The following WHRN variants were observed in gnomAD, a reference collection of about 807,000 sequenced individuals.
WHRN encodes the protein CASK-interacting protein CIP98.
In WHRN, 41 loss-of-function variants were observed where a neutral mutation model predicts 68.3. The observed-to-expected ratio is 0.60, with a 90% CI of 0.47 to 0.78. WHRN has a LOEUF of 0.78. WHRN is among the 30% of genes least tolerant of loss of function. The pLI is 0.00. For missense variants in WHRN, 1,243 were observed against 1,244.7 expected, an observed-to-expected ratio of 1.00 and a Z score of 0.02; for synonymous variants, 560 against 561.3, an observed-to-expected ratio of 1.00 and a Z score of 0.03.
chr9:114,407,267 G>T (rs1835104903), intron 8 of WHRN, among the ~76,000 whole-genome samples: 1 of 152,208 alleles, frequency 6.6e-6, no homozygotes, highest in Non-Finnish European at 1.5e-5. Context: ...GAGTACTAGA[G>T]GCAAGAGGTA....
At chr9:114,419,199 G>C (rs1241631765) in intron 7 of WHRN, among the ~76,000 whole-genome samples, 1 of 152,094 alleles carries the variant, frequency 6.6e-6, no homozygotes, top group Non-Finnish European at 1.5e-5. Context: ...TGCAACCTTG[G>C]GCAAGTTGCT....
chr9:114,487,792 C>T (rs968406411), intron 1 of WHRN, among the ~76,000 whole-genome samples: 1 of 152,212 alleles, frequency 6.6e-6, no homozygotes, highest in Non-Finnish European at 1.5e-5. Flanking sequence ...ACTATGCCAT[C>T]TGGGCCTACA....
At chr9:114,474,771 C>T (rs1478410511) in intron 2 of WHRN, among the ~76,000 whole-genome samples, 1 of 152,164 alleles carries the variant, frequency 6.6e-6, no homozygotes, top group Non-Finnish European at 1.5e-5. Context: ...GTGCCACAAA[C>T]TTGCCTCCTC....
chr9:114,434,913 T>C (rs1837719455), intron 3 of WHRN, among the ~76,000 whole-genome samples: 1 of 152,192 alleles, frequency 6.6e-6, no homozygotes, highest in Non-Finnish European at 1.5e-5. Context: ...TACTGCTTTT[T>C]TTCCGATCCA....
chr9:114,498,631 G>A (rs945522357), intron 1 of WHRN, among the ~76,000 whole-genome samples: 1 of 152,144 alleles, frequency 6.6e-6, no homozygotes, highest in Non-Finnish European at 1.5e-5. Context: ...TTAGTAAGGT[G>A]AAGTCTCTGG....
At chr9:114,407,039 C>T in intron 8 of WHRN, 147 bp from the exon 9 acceptor site, 1 of 951,918 alleles carries the variant, frequency 1.1e-6, no homozygotes, top group Non-Finnish European at 1.6e-6. Flanking sequence ...AATAATGCAA[C>T]ACCTGAGTGG....
chr9:114,488,609 G>C (rs536641020), intron 1 of WHRN, among the ~76,000 whole-genome samples: 1 of 152,144 alleles, frequency 6.6e-6, no homozygotes, highest in African/African-American at 2.4e-5. Context: ...AAGTCCCTTA[G>C]GGTCTTGAAC....
At chr9:114,406,913 C>T (rs568341303) in intron 8 of WHRN, 21 bp from the exon 9 acceptor site, 28 of 1,556,986 alleles carry the variant, frequency 1.8e-5, no homozygotes, top group African/African-American at 9.5e-5. Context: ...ACCCAACAGG[C>T]GGAGAAGGAG....
intron 3 of WHRN, among the ~76,000 whole-genome samples, chr9:114,426,737 C>T (rs138326107): frequency 1.3e-3 from 197 of 152,224 alleles, no homozygotes; most frequent in African/African-American, 4.4e-3. Context: ...CCAAGGTGGG[C>T]GTGAAGCTGG....
chr9:114,421,868 C>T (rs981871456), intron 7 of WHRN, among the ~76,000 whole-genome samples: 3 of 152,080 alleles, frequency 2.0e-5, no homozygotes, highest in East Asian at 1.9e-4. Context: ...GAATGCAGGG[C>T]GACTTGTGGG....
chr9:114,423,324 C>T lies in WHRN; in HGVS notation c.1616G>A (p.Ser539Asn). The T allele has an allele frequency of 6.2e-7, 1 of 1,613,966 alleles. No homozygotes were observed. The highest frequency in any genetic ancestry group is 8.5e-7 in the Non-Finnish European group (1 of 1,179,920). ...TGSHGTSTTV[S>N]SARNTLDLEE... Reference sequence around the variant, plus strand: ...GCAGAAGAAGCTCACCCTGGCCGAGCTGACGGTGGTGGAGGTGCCGTGGCT... The same window carrying T: ...GCAGAAGAAGCTCACCCTGGCCGAGTTGACGGTGGTGGAGGTGCCGTGGCT... The change falls in exon 7 of 12, where the codon AGC becomes AAC. Residue 539 changes from serine to asparagine, a missense_variant. Ser to Asn is a conservative substitution (Grantham distance 46). Coordinates refer to ENST00000362057, the MANE Select transcript of WHRN (RefSeq NM_015404.4).
At chr9:114,421,397 G>T (rs1218333093) in intron 7 of WHRN, among the ~76,000 whole-genome samples, 1 of 152,204 alleles carries the variant, frequency 6.6e-6, no homozygotes, top group Middle Eastern at 3.2e-3. Flanking sequence ...TGGCACTCCA[G>T]CCTGATTTGC....
At chr9:114,426,113 G>A (rs1836828219) in intron 4 of WHRN, 98 bp downstream of exon 4, 1 of 1,527,972 alleles carries the variant, frequency 6.5e-7, no homozygotes, top group African/African-American at 1.4e-5. Flanking sequence ...TGCAGGCTGA[G>A]AGGAGAGCCA....
At chr9:114,449,125 A>C (rs1417207879) in intron 3 of WHRN, among the ~76,000 whole-genome samples, 1 of 152,196 alleles carries the variant, frequency 6.6e-6, no homozygotes, top group African/African-American at 2.4e-5. Context: ...TTCCCTTATG[A>C]AAGAGGGGAC....
At chr9:114,421,657 A>G (rs1836297585) in intron 7 of WHRN, among the ~76,000 whole-genome samples, 1 of 152,234 alleles carries the variant, frequency 6.6e-6, no homozygotes, top group South Asian at 2.1e-4. Flanking sequence ...TATCAAGGCC[A>G]ATCTCAGTGG....
At chr9:114,461,678 A>C (rs1840259220) in intron 3 of WHRN, among the ~76,000 whole-genome samples, 1 of 151,900 alleles carries the variant, frequency 6.6e-6, no homozygotes, top group African/African-American at 2.4e-5. Context: ...TGGAATTCTC[A>C]CTTCCTCTTT....
At chr9:114,415,122 C>T (rs1835719357) in intron 7 of WHRN, among the ~76,000 whole-genome samples, 1 of 152,090 alleles carries the variant, frequency 6.6e-6, no homozygotes, top group Admixed American at 6.5e-5. Flanking sequence ...CATAGTGAGA[C>T]CCCCATCACT....
chr9:114,466,125 A>T, intron 3 of WHRN, 142 bp downstream of exon 3: 2 of 1,301,878 alleles, frequency 1.5e-6, no homozygotes, highest in Non-Finnish European at 2.2e-6. Context: ...CTGTGAATTT[A>T]GAGGTACAGC....
chr9:114,489,858 T>A (rs569757704), intron 1 of WHRN, among the ~76,000 whole-genome samples: 1 of 152,326 alleles, frequency 6.6e-6, no homozygotes, highest in East Asian at 1.9e-4. Context: ...CCTCTCTCCC[T>A]CCACTCTATA....
Sources: gnomAD v4.1 joint callset for allele counts (sites outside exome capture counted in the v4.1 genomes callset) on GRCh38, gnomAD v4.1.1 for gene constraint, MANE v1.5 for transcripts, NCBI Gene and HGNC (gene_info 2026-07-23, HGNC 2026-07-21) for gene names.